RPS6KC1: variants seen among roughly 807,000 people sequenced by gnomAD.
RPS6KC1 encodes the protein ribosomal protein S6 kinase C1, also known as inactive ribosomal protein S6 kinase delta-1.
RPS6KC1 carries 54 observed loss-of-function variants against 103.8 expected under a neutral mutation model. That is an observed-to-expected ratio of 0.52 (90% CI 0.42 to 0.65). RPS6KC1 has a LOEUF of 0.65. Ranked by LOEUF, RPS6KC1 falls within the 30% of genes least tolerant of loss-of-function variation. The probability of loss-of-function intolerance (pLI) is 0.00; values close to 1 mark genes in which losing one functional copy is unlikely to be tolerated. For synonymous variants in RPS6KC1, 439 were observed against 438.7 expected (o/e 1.00, Z -0.01); for missense variants, 1,151 against 1,253.8 (o/e 0.92, Z 1.24).
chr1:213,566,981 A>G, the RPS6KC1 span, among the ~76,000 whole-genome samples: 1 of 152,188 alleles, frequency 6.6e-6, no homozygotes, highest in South Asian at 2.1e-4. Context: ...TTGGATTGTA[A>G]TGTATGGTTG....
the RPS6KC1 span, among the ~76,000 whole-genome samples, chr1:213,679,555 T>C: frequency 1.3e-5 from 2 of 152,164 alleles, no homozygotes; most frequent in East Asian, 1.9e-4. Flanking sequence ...ACTAGACAGA[T>C]AGCCATAACC....
At chr1:213,505,386 G>A in the RPS6KC1 span, among the ~76,000 whole-genome samples, 3 of 152,188 alleles carry the variant, frequency 2.0e-5, no homozygotes, top group African/African-American at 7.2e-5. Context: ...GATGGTGCCT[G>A]TGCTGCCTTA....
the RPS6KC1 span, among the ~76,000 whole-genome samples, chr1:213,851,304 T>C: frequency 3.3e-4 from 50 of 152,202 alleles, no homozygotes; most frequent in Admixed American, 2.5e-3. Context: ...CTACCTCTGA[T>C]GTATTAGCAA....
At chr1:213,328,346 C>T in the RPS6KC1 span, among the ~76,000 whole-genome samples, 1 of 151,862 alleles carries the variant, frequency 6.6e-6, no homozygotes, top group African/African-American at 2.4e-5. Flanking sequence ...CATTGTTATC[C>T]TTAAGTTACA....
At chr1:213,206,138 G>C (rs911220714) in intron 8 of RPS6KC1, among the ~76,000 whole-genome samples, 10 of 152,112 alleles carry the variant, frequency 6.6e-5, no homozygotes, top group Admixed American at 6.6e-5. Context: ...TTTAAAGCAC[G>C]GTTTCCTAAC....
chr1:213,369,913 G>C, the RPS6KC1 span, among the ~76,000 whole-genome samples: 7 of 152,074 alleles, frequency 4.6e-5, no homozygotes, highest in African/African-American at 1.7e-4. Flanking sequence ...GCAGGAAGAT[G>C]CCACAGTGGT....
chr1:213,281,272 C>T, the RPS6KC1 span, among the ~76,000 whole-genome samples: 8 of 152,326 alleles, frequency 5.3e-5, no homozygotes, highest in South Asian at 2.1e-4. Context: ...TGTAAGGCTC[C>T]GAGTAACTCT....
At chr1:213,339,443 T>A in the RPS6KC1 span, among the ~76,000 whole-genome samples, 2 of 152,190 alleles carry the variant, frequency 1.3e-5, no homozygotes, top group Non-Finnish European at 2.9e-5. Flanking sequence ...GTCCAAATTG[T>A]CCATCCACAC....
At chr1:213,346,908 G>A in the RPS6KC1 span, among the ~76,000 whole-genome samples, 1 of 152,094 alleles carries the variant, frequency 6.6e-6, no homozygotes, top group Admixed American at 6.6e-5. Flanking sequence ...AATCAGATTT[G>A]CCTAGTCCTC....
rs146521054 is a variant in RPS6KC1, at chr1:213,190,702, C to T, written c.1044+14210C>T. Among the ~76,000 whole-genome samples, 46 of 152,220 alleles carry T rather than the reference C, an allele frequency of 3.0e-4. No individual in the cohort carries two copies. The East Asian group carries it at 6.8e-3, about 22-fold the overall frequency. The stretch of plus-strand genomic sequence containing the variant: ...TTGCTTTGGTTGCCTGCGCTTGTAG[C>T]GTATTACTCAATAAATTTTTGCCCA... On this transcript the variant is annotated intron_variant, in intron 8 of 14. Coordinates refer to ENST00000366960, the MANE Select transcript of RPS6KC1 (RefSeq NM_012424.6).
the RPS6KC1 span, among the ~76,000 whole-genome samples, chr1:213,464,095 T>C: frequency 6.6e-6 from 1 of 152,226 alleles, no homozygotes; most frequent in African/African-American, 2.4e-5. Flanking sequence ...AGTTTGCTAA[T>C]ATTTTCTTTA....
At chr1:213,606,038 G>A in the RPS6KC1 span, among the ~76,000 whole-genome samples, 1 of 152,222 alleles carries the variant, frequency 6.6e-6, no homozygotes, top group Admixed American at 6.5e-5. Flanking sequence ...TCTGCTCAGG[G>A]AGGACGGTGG....
chr1:213,427,419 C>A, the RPS6KC1 span, among the ~76,000 whole-genome samples: 1 of 152,078 alleles, frequency 6.6e-6, no homozygotes, highest in African/African-American at 2.4e-5. Flanking sequence ...TGATCTTTTC[C>A]TTTTTGCTTT....
intron 6 of RPS6KC1, among the ~76,000 whole-genome samples, chr1:213,160,299 C>G (rs1376732867): frequency 6.6e-6 from 1 of 152,164 alleles, no homozygotes; most frequent in African/African-American, 2.4e-5. Context: ...AAAAAGATAG[C>G]TTTGTAGACA....
intron 4 of RPS6KC1, among the ~76,000 whole-genome samples, chr1:213,109,810 G>T (rs530804067): frequency 6.6e-6 from 1 of 151,776 alleles, no homozygotes; most frequent in East Asian, 1.9e-4. Context: ...GGTATACCTA[G>T]GAGTGGAATT....
chr1:213,417,113 A>G, the RPS6KC1 span, among the ~76,000 whole-genome samples: 3 of 152,250 alleles, frequency 2.0e-5, 1 homozygote, highest in South Asian at 2.1e-4. Context: ...CAGAGGGACC[A>G]TCGGGCCCTC....
the RPS6KC1 span, among the ~76,000 whole-genome samples, chr1:213,592,087 G>T: frequency 6.6e-6 from 1 of 152,186 alleles, no homozygotes; most frequent in African/African-American, 2.4e-5. Context: ...AAGCTGGGCA[G>T]TACTGCACAA....
At chr1:213,478,523 T>TAA in the RPS6KC1 span, among the ~76,000 whole-genome samples, 1 of 152,236 alleles carries the variant, frequency 6.6e-6, no homozygotes, top group South Asian at 2.1e-4. Flanking sequence ...GCCTCACCAG[T>TAA]ATTTGGTGCT....
chr1:213,129,015 G>A (rs1019121900), intron 5 of RPS6KC1, among the ~76,000 whole-genome samples: 5 of 152,062 alleles, frequency 3.3e-5, no homozygotes, highest in East Asian at 1.9e-4. Context: ...AAGAGCTGGC[G>A]CTGGGCTTGG....
Sources: gnomAD v4.1 joint callset for allele counts (sites outside exome capture counted in the v4.1 genomes callset) on GRCh38, gnomAD v4.1.1 for gene constraint, MANE v1.5 for transcripts, NCBI Gene and HGNC (gene_info 2026-07-23, HGNC 2026-07-21) for gene names.